SDCCAG8: variants seen among roughly 807,000 people sequenced by gnomAD.
SDCCAG8 encodes SHH signaling and ciliogenesis regulator SDCCAG8, also known as serologically defined colon cancer antigen 8.
Under a neutral mutation model 101.8 loss-of-function variants are expected in SDCCAG8, and 74 were observed. The ratio of observed to expected loss-of-function variants is 0.73; its 90% CI spans 0.60 to 0.88. SDCCAG8 has a LOEUF of 0.88. Among genes scored for constraint, SDCCAG8 ranks in the 40% least tolerant of loss-of-function variants. The probability of loss-of-function intolerance (pLI) is 0.00; values close to 1 mark genes in which losing one functional copy is unlikely to be tolerated. For synonymous variants in SDCCAG8, 281 were observed against 292.9 expected (o/e 0.96, Z 0.41); for missense variants, 787 against 822.6 (o/e 0.96, Z 0.53).
At chr1:243,314,715 A>G (rs2073080728) in intron 8 of SDCCAG8, among the ~76,000 whole-genome samples, 1 of 151,908 alleles carries the variant, frequency 6.6e-6, no homozygotes, top group South Asian at 2.1e-4. Flanking sequence ...AGCTTTTTTG[A>G]TCATTCTTTT....
intron 1 of SDCCAG8, among the ~76,000 whole-genome samples, chr1:243,261,513 G>T (rs1034862866): frequency 6.6e-6 from 1 of 152,172 alleles, no homozygotes; most frequent in Admixed American, 6.5e-5. Context: ...TGTTTTGCTT[G>T]TATATGATTA....
chr1:243,481,521 T>G lies in SDCCAG8; in HGVS notation c.1986-7493T>G, dbSNP rs193193962. Among the ~76,000 whole-genome samples the G allele has an allele frequency of 2.7e-4, 41 of 152,300 alleles. No homozygotes were observed. In the South Asian group the frequency reaches 5.4e-3, roughly 20 times the overall value. On this transcript the variant is annotated intron_variant, in intron 16 of 17. Transcript: ENST00000366541. ...GCATTTAGTAAATGCTCAGTAAACA[T>G]TAGAGGAGGCCACTGGGAGGAGTAG... is the stretch of plus-strand genomic sequence containing the variant.
At chr1:243,311,193 T>C (rs996799903) in intron 8 of SDCCAG8, among the ~76,000 whole-genome samples, 1 of 152,240 alleles carries the variant, frequency 6.6e-6, no homozygotes, top group Non-Finnish European at 1.5e-5. Flanking sequence ...TAACTAAACA[T>C]GGTTTAGATA....
In SDCCAG8 at chr1:243,499,896, C is replaced by T; in HGVS notation, c.*111C>T. On this transcript the variant is annotated 3_prime_UTR_variant, in exon 18 of 18. Coordinates refer to ENST00000366541, the MANE Select transcript of SDCCAG8 (RefSeq NM_006642.5). ...CGACCTTCCCAGGGTGACACCGCCTCAGCCTGCAGTGGGGCTGGTCCTCAT... is the reference window on the plus strand; with the variant it reads ...CGACCTTCCCAGGGTGACACCGCCTTAGCCTGCAGTGGGGCTGGTCCTCAT... 9.7e-7 allele frequency: 1 copy of T among 1,035,734 alleles called. No individual in the cohort carries two copies. The highest frequency in any genetic ancestry group is 1.3e-5 in the South Asian group (1 of 76,268). The allele number at this position is 1,035,734 out of a possible 1,614,324, so 64.2% of individuals were successfully genotyped here. A position where few individuals can be genotyped will look rare whatever the true frequency, so the allele number is the denominator to read the frequency against.
intron 9 of SDCCAG8, chr1:243,318,393 C>T (rs1221285295): frequency 5.9e-6 from 1 of 170,850 alleles, no homozygotes; most frequent in Non-Finnish European, 1.2e-5. Flanking sequence ...CAGAAGAGAT[C>T]ACTATTGGGT....
chr1:243,434,695 A>G (rs1037898005), intron 16 of SDCCAG8, among the ~76,000 whole-genome samples: 25 of 152,308 alleles, frequency 1.6e-4, no homozygotes, highest in African/African-American at 5.8e-4. Context: ...AGCCAGTTGT[A>G]TGCATTGAGA....
intron 4 of SDCCAG8, among the ~76,000 whole-genome samples, chr1:243,283,037 G>C (rs2069205330): frequency 6.6e-6 from 1 of 152,000 alleles, no homozygotes; most frequent in East Asian, 1.9e-4. Flanking sequence ...AGTAGAGACA[G>C]GGTTTCACCA....
At chr1:243,318,212 A>G (rs996847344) in intron 9 of SDCCAG8, among the ~76,000 whole-genome samples, 1 of 152,240 alleles carries the variant, frequency 6.6e-6, no homozygotes, top group Non-Finnish European at 1.5e-5. Flanking sequence ...AGGAACATGC[A>G]TGGAGCCGGA....
chr1:243,424,238 A>G (rs2081198784), intron 15 of SDCCAG8, among the ~76,000 whole-genome samples: 1 of 152,022 alleles, frequency 6.6e-6, no homozygotes, highest in Non-Finnish European at 1.5e-5. Context: ...GAGCAGTTTT[A>G]GGTTCACAGC....
chr1:243,272,318 A>G (rs568019593), intron 3 of SDCCAG8, among the ~76,000 whole-genome samples: 41 of 152,348 alleles, frequency 2.7e-4, no homozygotes, highest in Middle Eastern at 6.8e-3. Flanking sequence ...CTGAAATATC[A>G]GAGTATCACT....
intron 16 of SDCCAG8, among the ~76,000 whole-genome samples, chr1:243,470,132 G>A (rs1478599711): frequency 6.6e-6 from 1 of 152,116 alleles, no homozygotes; most frequent in African/African-American, 2.4e-5. Flanking sequence ...CAGATGCTTC[G>A]CCTTTCACCT....
chr1:243,456,403 G>A (rs1279220670), intron 16 of SDCCAG8, among the ~76,000 whole-genome samples: 4 of 152,114 alleles, frequency 2.6e-5, no homozygotes, highest in Non-Finnish European at 4.4e-5. Context: ...TTAGTTTAAC[G>A]AAGCTGTACA....
chr1:243,300,308 A>T (rs147531743), intron 6 of SDCCAG8, among the ~76,000 whole-genome samples: 7 of 152,270 alleles, frequency 4.6e-5, no homozygotes, highest in Admixed American at 6.5e-5. Flanking sequence ...ATTCTGTCAT[A>T]AAATTCTCAG....
intron 6 of SDCCAG8, among the ~76,000 whole-genome samples, chr1:243,294,319 T>C (rs1388928144): frequency 6.6e-6 from 1 of 152,210 alleles, no homozygotes; most frequent in Non-Finnish European, 1.5e-5. Context: ...TCCTTTTGTT[T>C]TGAGACATTT....
intron 12 of SDCCAG8, among the ~76,000 whole-genome samples, chr1:243,356,349 G>T (rs1044205354): frequency 7.1e-6 from 1 of 140,204 alleles, no homozygotes; most frequent in South Asian, 2.4e-4. Context: ...TACTTCAATG[G>T]CTAGGAGAGC....
At chr1:243,302,575 C>T (rs1193546331) in intron 6 of SDCCAG8, among the ~76,000 whole-genome samples, 2 of 152,174 alleles carry the variant, frequency 1.3e-5, no homozygotes, top group Non-Finnish European at 2.9e-5. Flanking sequence ...AATGAGAAAC[C>T]TTTTTCTACA....
intron 16 of SDCCAG8, among the ~76,000 whole-genome samples, chr1:243,427,738 GCAGT>G (rs2081437673): frequency 6.6e-6 from 1 of 152,130 alleles, no homozygotes; most frequent in Non-Finnish European, 1.5e-5. Flanking sequence ...ATGAAGACAG[GCAGT>G]CAGATGATGG....
intron 16 of SDCCAG8, among the ~76,000 whole-genome samples, chr1:243,447,320 A>G (rs2083000790): frequency 6.6e-6 from 1 of 151,220 alleles, no homozygotes; most frequent in Non-Finnish European, 1.5e-5. Flanking sequence ...ATTAAGTCTC[A>G]TCGCTAAATG....
intron 9 of SDCCAG8, among the ~76,000 whole-genome samples, chr1:243,328,943 T>G (rs1254384957): frequency 6.6e-6 from 1 of 152,214 alleles, no homozygotes; most frequent in Non-Finnish European, 1.5e-5. Context: ...TTGAAAACTT[T>G]CTGATTGGAT....
Sources: allele counts gnomAD v4.1 joint callset (sites outside exome capture counted in the v4.1 genomes callset), GRCh38; gene constraint gnomAD v4.1.1; transcripts MANE v1.5; gene names NCBI Gene and HGNC (gene_info 2026-07-23, HGNC 2026-07-21).